The following RERE variants were observed in gnomAD, a reference collection of about 807,000 sequenced individuals.
RERE encodes arginine-glutamic acid dipeptide repeats protein.
Under a neutral mutation model 146.1 loss-of-function variants are expected in RERE, and 40 were observed. The observed-to-expected ratio is 0.27, with a 90% CI of 0.21 to 0.36. RERE has a LOEUF of 0.36. RERE is among the 10% of genes least tolerant of loss of function. The probability of loss-of-function intolerance (pLI) is 1.00; values close to 1 mark genes in which losing one functional copy is unlikely to be tolerated. For synonymous variants in RERE, 1,003 were observed against 866.0 expected (o/e 1.16, Z -2.78); for missense variants, 1,933 against 2,138.7 (o/e 0.90, Z 1.90).
intron 10 of RERE, among the ~76,000 whole-genome samples, chr1:8,482,681 CAAAAAAAAAAAAAAA>C (rs35501735): frequency 3.9e-5 from 2 of 51,230 alleles, no homozygotes; most frequent in South Asian, 2.3e-3. Context: ...GATTCTGTTG[CAAAAAAAAAAAAAAA>C]AAAAAAAAAA....
chr1:8,439,631 G>C (rs1262497602), intron 11 of RERE, among the ~76,000 whole-genome samples: 1 of 152,238 alleles, frequency 6.6e-6, no homozygotes, highest in Non-Finnish European at 1.5e-5. Context: ...GAGCAAGAAA[G>C]GTCAATGACC....
At chr1:8,465,148 T>C (rs184044614) in intron 11 of RERE, 4 of 153,194 alleles carry the variant, frequency 2.6e-5, no homozygotes, top group Non-Finnish European at 4.4e-5. Context: ...GTAAGTCGTT[T>C]ACAGCAATGC....
intron 4 of RERE, among the ~76,000 whole-genome samples, chr1:8,589,484 C>A (rs1474416618): frequency 1.3e-5 from 2 of 152,094 alleles, no homozygotes; most frequent in Non-Finnish European, 2.9e-5. Flanking sequence ...TAGATAAAAA[C>A]CAAATAATCA....
chr1:8,597,209 C>T (rs997407529), intron 4 of RERE, among the ~76,000 whole-genome samples: 1 of 151,998 alleles, frequency 6.6e-6, no homozygotes, highest in Admixed American at 6.6e-5. Flanking sequence ...TGGCCTCAGC[C>T]TCCTAAGCAG....
At chr1:8,584,688 G>A (rs1156777687) in intron 4 of RERE, among the ~76,000 whole-genome samples, 1 of 152,180 alleles carries the variant, frequency 6.6e-6, no homozygotes, top group Non-Finnish European at 1.5e-5. Context: ...AGACTATAGT[G>A]TGTAATCTAA....
At chr1:8,403,919 C>T (rs1643356660) in intron 12 of RERE, among the ~76,000 whole-genome samples, 1 of 145,292 alleles carries the variant, frequency 6.9e-6, no homozygotes, top group African/African-American at 2.6e-5. Context: ...CAACCTCCAT[C>T]TCGCGGGTTT....
chr1:8,413,739 A>G (rs890516401), intron 12 of RERE, among the ~76,000 whole-genome samples: 2 of 151,964 alleles, frequency 1.3e-5, no homozygotes, highest in African/African-American at 4.8e-5. Flanking sequence ...GAGCAGAGGC[A>G]GCCCCAGCAA....
chr1:8,759,709 A>G (rs1640712876), intron 1 of RERE, among the ~76,000 whole-genome samples: 2 of 152,166 alleles, frequency 1.3e-5, no homozygotes, highest in Admixed American at 6.5e-5. Flanking sequence ...GCTCAATTGC[A>G]AAACAGCCAT....
At chr1:8,743,456 C>A (rs1367925710) in intron 1 of RERE, among the ~76,000 whole-genome samples, 1 of 140,404 alleles carries the variant, frequency 7.1e-6, no homozygotes, top group Non-Finnish European at 1.5e-5. Context: ...TTAGTAGAGA[C>A]GGGGTTTCAC....
At chr1:8,710,346 T>A (rs1470082480) in intron 1 of RERE, among the ~76,000 whole-genome samples, 2 of 152,086 alleles carry the variant, frequency 1.3e-5, no homozygotes, top group South Asian at 2.1e-4. Flanking sequence ...TAACTAGAAA[T>A]AACATCAGAT....
intron 1 of RERE, among the ~76,000 whole-genome samples, chr1:8,698,766 A>G (rs901396607): frequency 5.9e-5 from 9 of 152,080 alleles, no homozygotes; most frequent in Admixed American, 3.3e-4. Context: ...GATCTTCCCA[A>G]TAGGGCCTCT....
intron 1 of RERE, among the ~76,000 whole-genome samples, chr1:8,658,540 G>A (rs534476161): frequency 5.9e-5 from 9 of 152,096 alleles, no homozygotes; most frequent in East Asian, 1.9e-4. Flanking sequence ...GGCAGATCAC[G>A]AGGTCAGGAG....
At chr1:8,558,004 C>A (rs1281542046) in intron 4 of RERE, among the ~76,000 whole-genome samples, 2 of 152,118 alleles carry the variant, frequency 1.3e-5, no homozygotes, top group Admixed American at 1.3e-4. Flanking sequence ...CCAAGGTTTG[C>A]CTATTACCCA....
intron 1 of RERE, among the ~76,000 whole-genome samples, chr1:8,701,980 G>A (rs1639461509): frequency 6.6e-6 from 1 of 151,578 alleles, no homozygotes; most frequent in Admixed American, 6.6e-5. Flanking sequence ...GGAAATAATT[G>A]CCCACAGATC....
At chr1:8,688,781 T>C (rs191314693) in intron 1 of RERE, among the ~76,000 whole-genome samples, 5 of 152,278 alleles carry the variant, frequency 3.3e-5, no homozygotes, top group African/African-American at 9.6e-5. Context: ...TCTTATATAA[T>C]AGGATTTATG....
intron 4 of RERE, among the ~76,000 whole-genome samples, chr1:8,577,031 G>C (rs12733412): frequency 6.6e-6 from 1 of 151,816 alleles, no homozygotes; most frequent in African/African-American, 2.4e-5. Flanking sequence ...TTAGCTGGGC[G>C]TGGTGGCGGC....
chr1:8,645,324 A>G (rs895973025), intron 2 of RERE, among the ~76,000 whole-genome samples: 1 of 152,194 alleles, frequency 6.6e-6, no homozygotes, highest in African/African-American at 2.4e-5. Context: ...TGCATGCATC[A>G]TATTTTAACG....
intron 1 of RERE, among the ~76,000 whole-genome samples, chr1:8,741,946 A>AAAT (rs1404555354): frequency 1.3e-5 from 2 of 152,206 alleles, no homozygotes; most frequent in African/African-American, 4.8e-5. Context: ...AGATACAGTA[A>AAAT]AATATAAAGT....
chr1:8,373,131 A>ACCC (rs1642106466), intron 12 of RERE, among the ~76,000 whole-genome samples: 1 of 152,210 alleles, frequency 6.6e-6, no homozygotes, highest in Non-Finnish European at 1.5e-5. Context: ...TACGCACCTG[A>ACCC]CCCCATCGCA....
Sources: gnomAD v4.1 joint callset for allele counts (sites outside exome capture counted in the v4.1 genomes callset) on GRCh38, gnomAD v4.1.1 for gene constraint, MANE v1.5 for transcripts, NCBI Gene and HGNC (gene_info 2026-07-23, HGNC 2026-07-21) for gene names.